The following CDS2 variants were observed in gnomAD, a reference collection of about 807,000 sequenced individuals.
The protein encoded by CDS2 is CDP-diacylglycerol synthase 2.
CDS2 carries 47 observed loss-of-function variants against 59.0 expected under a neutral mutation model. The ratio of observed to expected loss-of-function variants is 0.80; its 90% confidence interval spans 0.63 to 1.02. CDS2 has a LOEUF of 1.02. Among genes scored for constraint, CDS2 ranks in the 50% least tolerant of loss-of-function variants. The pLI, the probability that CDS2 is intolerant of heterozygous loss-of-function variation, is 0.00. For synonymous variants in CDS2, 207 were observed against 206.4 expected (o/e 1.00, Z -0.02); for missense variants, 356 against 558.9 (o/e 0.64, Z 3.66).
chr20:5,178,738 C>A, intron 4 of CDS2, 79 bp from the exon 5 acceptor site: 1 of 1,499,260 alleles, frequency 6.7e-7, no homozygotes, highest in Non-Finnish European at 9.3e-7. Flanking sequence ...TGCCCTCTGT[C>A]CCTTCCTCTG....
chr20:5,158,510 T>A (rs1186760226), intron 1 of CDS2, among the ~76,000 whole-genome samples: 1 of 152,216 alleles, frequency 6.6e-6, no homozygotes, highest in Non-Finnish European at 1.5e-5. Context: ...CTGTAAAATC[T>A]CACCAAGATT....
At chr20:5,129,501 G>T (rs1186336848) in intron 1 of CDS2, among the ~76,000 whole-genome samples, 1 of 150,776 alleles carries the variant, frequency 6.6e-6, no homozygotes, top group African/African-American at 2.4e-5. Flanking sequence ...GGAGTGCAAT[G>T]GCATGATGTT....
At chr20:5,146,349 G>T (rs906734151) in intron 1 of CDS2, among the ~76,000 whole-genome samples, 4 of 152,198 alleles carry the variant, frequency 2.6e-5, no homozygotes, top group Admixed American at 2.6e-4. Flanking sequence ...TGATGAAGCA[G>T]AGGAGTCAGG....
chr20:5,142,414 T>G (rs6076781), intron 1 of CDS2, among the ~76,000 whole-genome samples: 48,881 of 151,734 alleles, frequency 0.32, 8,410 homozygotes, highest in South Asian at 0.4. Flanking sequence ...GCCACTGCAT[T>G]CCGACCTGGG....
Position 5,191,220 on chromosome 20 carries a change from C to G in CDS2, c.*986C>G, listed in dbSNP as rs889663712. 1 of 152,588 alleles carries G rather than the reference C, an allele frequency of 6.6e-6. No homozygotes were observed. The highest frequency in any genetic ancestry group is 1.5e-5 in the Non-Finnish European group (1 of 68,042). The allele number at this position is 152,588 out of a possible 1,614,324, so 9.5% of individuals were successfully genotyped here. A position where few individuals can be genotyped will look rare whatever the true frequency, so the allele number is the denominator to read the frequency against. On this transcript the variant is annotated 3_prime_UTR_variant, in exon 13 of 13. Coordinates refer to ENST00000460006, the MANE Select transcript of CDS2 (RefSeq NM_003818.4). ...TGTTTTAAAAGTCACTTATTTCTTA[C>G]AGTGATTTCAATTGCACCATGACTT...
intron 1 of CDS2, among the ~76,000 whole-genome samples, chr20:5,147,751 A>G (rs1389599641): frequency 6.6e-6 from 1 of 151,018 alleles, no homozygotes; most frequent in Admixed American, 6.6e-5. Flanking sequence ...CTTTGGTGAC[A>G]GAGTCTTGCC....
intron 1 of CDS2, among the ~76,000 whole-genome samples, chr20:5,147,563 C>A (rs1170114602): frequency 6.6e-6 from 1 of 152,070 alleles, no homozygotes; most frequent in East Asian, 1.9e-4. Flanking sequence ...TCAAGTATGT[C>A]CAGGCCCACT....
chr20:5,152,080 TAAAAAAAA>T lies in CDS2; in HGVS notation c.58-21436_58-21429del, dbSNP rs60654420. ...CGCCTGGTCTGACTCCATGGCTTTT[TAAAAAAAA>T]AAAAAACAAAAAAACAAAAACAGGC... On this transcript the variant is annotated intron_variant, in intron 1 of 12. Transcript: ENST00000460006. Among the ~76,000 whole-genome samples the T allele has an allele frequency of 4.0e-3, 590 of 146,656 alleles. 2 individuals are homozygous for T. Among genetic ancestry groups the T allele is most frequent in the Admixed American group, 7.0e-3 (102 of 14,620 alleles).
intron 2 of CDS2, among the ~76,000 whole-genome samples, chr20:5,174,572 A>G (rs968968981): frequency 7.2e-5 from 11 of 152,052 alleles, no homozygotes; most frequent in African/African-American, 2.2e-4. Context: ...AAAATACAAA[A>G]AAATTAGCTG....
intron 1 of CDS2, among the ~76,000 whole-genome samples, chr20:5,143,742 A>G (rs1395537160): frequency 8.3e-6 from 1 of 121,038 alleles, no homozygotes; most frequent in East Asian, 2.2e-4. Flanking sequence ...CTCTGCTTTC[A>G]GTTCTTTTTC....
rs943174907 is a variant in CDS2, at chr20:5,163,241, G to GT, written c.58-10274dup. On this transcript the variant is annotated intron_variant, in intron 1 of 12. Coordinates refer to ENST00000460006, the MANE Select transcript of CDS2 (RefSeq NM_003818.4). ...GCACCCTTCAGAGGTGGCCAAAGTAGTTTTTTTTGTTTCGTTTTTATTTTT... is the reference window on the plus strand; with the variant it reads ...GCACCCTTCAGAGGTGGCCAAAGTAGTTTTTTTTTGTTTCGTTTTTATTTTT... 3.5e-3 allele frequency among the ~76,000 whole-genome samples: 535 copies of GT among 152,078 alleles called. 3 individuals are homozygous for GT. The highest frequency in any genetic ancestry group is 0.012 in the African/African-American group (490 of 41,500).
At chr20:5,187,532 G>A (rs1373769013) in intron 10 of CDS2, 1 of 151,998 alleles carries the variant, frequency 6.6e-6, no homozygotes, top group Non-Finnish European at 1.5e-5. Flanking sequence ...TTTCAGACTT[G>A]GGTATTTGGC....
At chr20:5,131,254 T>C (rs1175841215) in intron 1 of CDS2, among the ~76,000 whole-genome samples, 3 of 152,254 alleles carry the variant, frequency 2.0e-5, no homozygotes, top group African/African-American at 7.2e-5. Flanking sequence ...TATTTTGTTA[T>C]ATTTAGCATC....
At position 5,184,490 on chromosome 20, in the gene CDS2, T is replaced by G. The variant is rs1252327378; in HGVS notation, c.672-368T>G. Among the ~76,000 whole-genome samples, 1 of 152,164 alleles carries G rather than the reference T, an allele frequency of 6.6e-6. No homozygotes were observed. Among genetic ancestry groups the G allele is most frequent in the African/African-American group, 2.4e-5 (1 of 41,420 alleles). ...TAGAAAAATAAAAATTAGAAACGAT[T>G]AGAAGTGGTTATTTTTGGGAATGGA... On this transcript the variant is annotated intron_variant, in intron 7 of 12. Coordinates refer to ENST00000460006, the MANE Select transcript of CDS2 (RefSeq NM_003818.4). The surrounding 1 kb of genome is among the most constrained non-coding windows in gnomAD (Gnocchi z 4.3).
At chr20:5,182,146 C>T (rs923157025) in intron 5 of CDS2, among the ~76,000 whole-genome samples, 2 of 152,210 alleles carry the variant, frequency 1.3e-5, no homozygotes, top group African/African-American at 4.8e-5. Context: ...GAACCATGTT[C>T]TAAGTTTAGT....
intron 1 of CDS2, chr20:5,168,505 C>T (rs1475031140): frequency 2.2e-6 from 1 of 459,896 alleles, no homozygotes; most frequent in Non-Finnish European, 4.4e-6. Flanking sequence ...TGACACAGTG[C>T]CCAAGGGATT....
intron 1 of CDS2, among the ~76,000 whole-genome samples, chr20:5,138,326 T>C (rs2090665096): frequency 6.6e-6 from 1 of 152,086 alleles, no homozygotes; most frequent in Non-Finnish European, 1.5e-5. Flanking sequence ...TATCCAGTTT[T>C]CACAGCACCA....
intron 2 of CDS2, 58 bp from the exon 3 acceptor site, chr20:5,175,125 T>C (rs2090984999): frequency 8.0e-6 from 10 of 1,245,286 alleles, no homozygotes; most frequent in East Asian, 2.3e-5. Context: ...AGTTTGTGCA[T>C]TGGTTTTTTT....
At chr20:5,137,892 G>C (rs1434125332) in intron 1 of CDS2, among the ~76,000 whole-genome samples, 1 of 151,202 alleles carries the variant, frequency 6.6e-6, no homozygotes, top group Non-Finnish European at 1.5e-5. Flanking sequence ...TCCGACTCCC[G>C]GGTTCACGAC....
Sources: gnomAD v4.1 joint callset for allele counts (sites outside exome capture counted in the v4.1 genomes callset) on GRCh38, gnomAD v4.1.1 for gene constraint, Gnocchi (gnomAD v3.1) non-coding constraint, MANE v1.5 for transcripts, NCBI Gene and HGNC (gene_info 2026-07-23, HGNC 2026-07-21) for gene names.